The following POU6F2 variants were observed in gnomAD, a reference collection of about 807,000 sequenced individuals.
The protein encoded by POU6F2 is POU class 6 homeobox 2.
Under a neutral mutation model 71.3 loss-of-function variants are expected in POU6F2, and 31 were observed. That is an observed-to-expected ratio of 0.43 (90% CI 0.33 to 0.59). The LOEUF (loss-of-function observed/expected upper bound fraction) is 0.59. POU6F2 is among the 20% of genes least tolerant of loss of function. POU6F2 has a pLI of 0.04. For synonymous variants in POU6F2, 347 were observed against 355.7 expected, an observed-to-expected ratio of 0.98 and a Z score of 0.27; for missense variants, 783 against 856.8, an observed-to-expected ratio of 0.91 and a Z score of 1.07.
At chr7:39,014,917 C>G (rs1429226139) in intron 1 of POU6F2, among the ~76,000 whole-genome samples, 2 of 152,098 alleles carry the variant, frequency 1.3e-5, no homozygotes, top group Non-Finnish European at 2.9e-5. Flanking sequence ...GCTGTGCCTT[C>G]CTTCTTGCTA....
At chr7:39,115,954 A>G (rs1791919225) in intron 2 of POU6F2, among the ~76,000 whole-genome samples, 1 of 152,218 alleles carries the variant, frequency 6.6e-6, no homozygotes, top group Non-Finnish European at 1.5e-5. Context: ...GCAGATTATA[A>G]AGTAAGAGAT....
chr7:39,279,237 G>T (rs1311999532), intron 4 of POU6F2, among the ~76,000 whole-genome samples: 1 of 151,932 alleles, frequency 6.6e-6, no homozygotes, highest in Non-Finnish European at 1.5e-5. Context: ...ACTCCCTTCT[G>T]CACCCAGCAA....
intron 1 of POU6F2, among the ~76,000 whole-genome samples, chr7:39,020,778 ATT>A (rs11295540): frequency 1.9e-4 from 28 of 148,650 alleles, no homozygotes; most frequent in South Asian, 6.3e-4. Context: ...TCTAGGTTAG[ATT>A]TTTTTTTTTT....
At chr7:39,084,924 T>C (rs1437234659) in intron 1 of POU6F2, 1 of 152,178 alleles carries the variant, frequency 6.6e-6, no homozygotes, top group African/African-American at 2.4e-5. Context: ...AACAATATTA[T>C]GCATCTCAGT....
chr7:39,049,710 A>G (rs530027124), intron 1 of POU6F2, among the ~76,000 whole-genome samples: 3 of 152,098 alleles, frequency 2.0e-5, no homozygotes, highest in Admixed American at 6.6e-5. Context: ...TATTTTAGTT[A>G]TTGTACTTTT....
At chr7:39,124,253 G>T (rs1463187143) in intron 2 of POU6F2, among the ~76,000 whole-genome samples, 2 of 152,014 alleles carry the variant, frequency 1.3e-5, no homozygotes, top group Non-Finnish European at 2.9e-5. Context: ...CACCATGTTG[G>T]TCAAGCTGGT....
intron 5 of POU6F2, among the ~76,000 whole-genome samples, chr7:39,387,790 G>A (rs974629551): frequency 3.3e-5 from 5 of 152,154 alleles, no homozygotes; most frequent in African/African-American, 1.2e-4. Context: ...GAGTCCATTG[G>A]CTGTCAGGAC....
chr7:39,057,041 A>G (rs1176639168), intron 1 of POU6F2, among the ~76,000 whole-genome samples: 2 of 152,166 alleles, frequency 1.3e-5, no homozygotes, highest in South Asian at 2.1e-4. Flanking sequence ...TGACTTGAGA[A>G]TGAGCCCTTC....
chr7:39,258,701 T>TA (rs5883681), intron 4 of POU6F2, among the ~76,000 whole-genome samples: 51,898 of 144,998 alleles, frequency 0.36, 9,551 homozygotes, highest in East Asian at 0.69. Flanking sequence ...TCTAGATGTT[T>TA]AAAAAAAAAA....
intron 1 of POU6F2, among the ~76,000 whole-genome samples, chr7:39,071,836 G>A (rs1790887556): frequency 6.6e-6 from 1 of 152,066 alleles, no homozygotes; most frequent in African/African-American, 2.4e-5. Context: ...CAAAATTTGG[G>A]CATTTATTTC....
intron 5 of POU6F2, among the ~76,000 whole-genome samples, chr7:39,386,976 C>T (rs1403054441): frequency 6.6e-6 from 1 of 152,234 alleles, no homozygotes; most frequent in African/African-American, 2.4e-5. Flanking sequence ...ACAGTCTAAG[C>T]TGGAACAGCA....
intron 5 of POU6F2, among the ~76,000 whole-genome samples, chr7:39,369,003 C>G (rs1159285855): frequency 2.0e-5 from 3 of 152,152 alleles, no homozygotes; most frequent in Non-Finnish European, 4.4e-5. Context: ...AAAGATGTGA[C>G]AGAATCTCAT....
At chr7:39,439,319 C>A (rs1475668324) in intron 7 of POU6F2, among the ~76,000 whole-genome samples, 1 of 152,050 alleles carries the variant, frequency 6.6e-6, no homozygotes, top group Non-Finnish European at 1.5e-5. Flanking sequence ...TCCAATCTGC[C>A]AGTCTGTGTC....
chr7:39,095,293 T>C (rs1299069719), intron 2 of POU6F2, among the ~76,000 whole-genome samples: 1 of 152,196 alleles, frequency 6.6e-6, no homozygotes, highest in Non-Finnish European at 1.5e-5. Flanking sequence ...TTCTTTGCTC[T>C]AGTTTGAATA....
intron 2 of POU6F2, among the ~76,000 whole-genome samples, chr7:39,119,927 T>C (rs1042664738): frequency 3.3e-5 from 5 of 152,218 alleles, no homozygotes; most frequent in African/African-American, 1.2e-4. Context: ...GCACATACGA[T>C]GAATTGATGT....
At chr7:39,375,099 G>C (rs1197487998) in intron 5 of POU6F2, among the ~76,000 whole-genome samples, 1 of 152,066 alleles carries the variant, frequency 6.6e-6, no homozygotes, top group African/African-American at 2.4e-5. Context: ...CTAACATTTG[G>C]GGAGGTTTTG....
intron 2 of POU6F2, among the ~76,000 whole-genome samples, chr7:39,101,427 A>C (rs907199612): frequency 2.0e-5 from 3 of 150,612 alleles, no homozygotes; most frequent in African/African-American, 7.3e-5. Flanking sequence ...TAAGAGAAGA[A>C]TTGCTTTTTC....
chr7:39,197,335 G>C (rs1793808647), intron 2 of POU6F2, among the ~76,000 whole-genome samples: 1 of 152,350 alleles, frequency 6.6e-6, no homozygotes, highest in Middle Eastern at 3.4e-3. Flanking sequence ...CAGCCGGAAG[G>C]TTACAATCCC....
chr7:39,291,725 G>A (rs978930819), intron 4 of POU6F2, among the ~76,000 whole-genome samples: 9 of 152,086 alleles, frequency 5.9e-5, no homozygotes, highest in African/African-American at 2.2e-4. Context: ...CATTAATACC[G>A]GATGGCAGAA....
Sources: gnomAD v4.1 joint callset for allele counts (sites outside exome capture counted in the v4.1 genomes callset) on GRCh38, gnomAD v4.1.1 for gene constraint, MANE v1.5 for transcripts, NCBI Gene and HGNC (gene_info 2026-07-23, HGNC 2026-07-21) for gene names.